SEMA3D: variants seen among roughly 807,000 people sequenced by gnomAD.
The protein encoded by SEMA3D is semaphorin-3D.
SEMA3D carries 84 observed loss-of-function variants against 100.1 expected under a neutral mutation model. The observed-to-expected ratio is 0.84, with a 90% CI of 0.70 to 1.01. The LOEUF is 1.01. SEMA3D is among the 50% of genes least tolerant of loss of function. SEMA3D has a pLI of 0.00. For synonymous variants in SEMA3D, 312 were observed against 320.7 expected (o/e 0.97, Z 0.29); for missense variants, 875 against 934.1 (o/e 0.94, Z 0.82).
chr7:85,246,642 G>A, the SEMA3D span, among the ~76,000 whole-genome samples: 1 of 151,864 alleles, frequency 6.6e-6, no homozygotes, highest in South Asian at 2.1e-4. Context: ...CCAAGTTTGG[G>A]TGATGATATG....
the SEMA3D span, among the ~76,000 whole-genome samples, chr7:85,237,547 T>C: frequency 6.6e-6 from 1 of 152,224 alleles, no homozygotes. Context: ...TGTAGACTTT[T>C]AAGATGGTTT....
intron 4 of SEMA3D, among the ~76,000 whole-genome samples, chr7:85,086,987 T>C (rs1188630849): frequency 6.6e-6 from 1 of 152,220 alleles, no homozygotes; most frequent in Non-Finnish European, 1.5e-5. Flanking sequence ...TGAACAATTT[T>C]GAGACAGTGA....
chr7:85,155,731 C>A (rs1450688532), intron 1 of SEMA3D, among the ~76,000 whole-genome samples: 1 of 152,096 alleles, frequency 6.6e-6, no homozygotes, highest in African/African-American at 2.4e-5. Flanking sequence ...GTTAGCTCTT[C>A]AACAGAATGC....
intron 9 of SEMA3D, among the ~76,000 whole-genome samples, chr7:85,051,207 T>G (rs1265167234): frequency 6.6e-6 from 1 of 151,864 alleles, no homozygotes; most frequent in African/African-American, 2.4e-5. Flanking sequence ...TCCTCATTTT[T>G]TAGGTTAAGA....
intron 2 of SEMA3D, among the ~76,000 whole-genome samples, chr7:85,136,217 G>A (rs1245612565): frequency 2.0e-5 from 3 of 152,084 alleles, no homozygotes. Context: ...AAAACAATGA[G>A]AAAAAGATAT....
intron 4 of SEMA3D, among the ~76,000 whole-genome samples, chr7:85,094,194 G>T (rs1447947262): frequency 6.6e-6 from 1 of 151,902 alleles, no homozygotes; most frequent in African/African-American, 2.4e-5. Flanking sequence ...AGTTAACAGT[G>T]AGACTGGAAA....
the SEMA3D span, among the ~76,000 whole-genome samples, chr7:85,246,431 T>C: frequency 5.9e-5 from 9 of 152,128 alleles, no homozygotes; most frequent in Admixed American, 3.3e-4. Context: ...TTTTTTTCTG[T>C]GGAGCTGTGA....
intron 1 of SEMA3D, among the ~76,000 whole-genome samples, chr7:85,158,323 A>G (rs538692120): frequency 6.6e-5 from 10 of 152,270 alleles, no homozygotes; most frequent in African/African-American, 2.4e-4. Context: ...TGAGAAAGAG[A>G]ATGCATCCCT....
rs535397174 is a variant in SEMA3D at position 85,073,831 on chromosome 7, C to CT, written c.376-751dup. 2.6e-5 allele frequency among the ~76,000 whole-genome samples: 4 copies of CT among 152,160 alleles called. No individual in the cohort carries two copies. In the South Asian group the frequency reaches 8.3e-4, roughly 32 times the overall value. On this transcript the variant is annotated intron_variant, in intron 5 of 18. Coordinates refer to ENST00000284136, the MANE Select transcript of SEMA3D (RefSeq NM_001384900.1). ...CATAATCTCTGTTTTTTCTCATGGA[C>CT]TTTTTTTACACCAAGTCAAATTTTT...
At chr7:85,234,333 A>T in the SEMA3D span, among the ~76,000 whole-genome samples, 1 of 152,206 alleles carries the variant, frequency 6.6e-6, no homozygotes, top group African/African-American at 2.4e-5. Flanking sequence ...AAAGTGCTGG[A>T]AGAGATAAAA....
intron 1 of SEMA3D, chr7:85,160,182 A>G (rs1422069354): frequency 1.8e-5 from 5 of 284,124 alleles, no homozygotes; most frequent in South Asian, 1.4e-4. Flanking sequence ...AAGGCATTAT[A>G]TAAATACAAG....
At chr7:85,045,457 A>T (rs1459950569) in intron 9 of SEMA3D, among the ~76,000 whole-genome samples, 1 of 151,968 alleles carries the variant, frequency 6.6e-6, no homozygotes, top group Non-Finnish European at 1.5e-5. Context: ...TGTCATAAAA[A>T]GCCTGTCGGT....
At chr7:85,236,893 G>A in the SEMA3D span, among the ~76,000 whole-genome samples, 1 of 152,142 alleles carries the variant, frequency 6.6e-6, no homozygotes, top group Non-Finnish European at 1.5e-5. Flanking sequence ...ATGTGTAAAG[G>A]AGGAGGCAGT....
At chr7:85,214,558 G>A in the SEMA3D span, among the ~76,000 whole-genome samples, 1 of 152,080 alleles carries the variant, frequency 6.6e-6, no homozygotes, top group Non-Finnish European at 1.5e-5. Context: ...GTGCAATGGT[G>A]TGATCTCGGC....
At chr7:85,061,641 C>T (rs1791482094) in intron 8 of SEMA3D, among the ~76,000 whole-genome samples, 2 of 152,144 alleles carry the variant, frequency 1.3e-5, no homozygotes, top group African/African-American at 4.8e-5. Context: ...GCCCATTTCT[C>T]ATAAAGGACA....
chr7:85,202,246 C>T, the SEMA3D span, among the ~76,000 whole-genome samples: 1 of 129,080 alleles, frequency 7.7e-6, no homozygotes, highest in African/African-American at 3.0e-5. Context: ...ATGTGATGTT[C>T]CCTTTCCTGT....
chr7:85,043,112 C>G (rs1340935707), intron 9 of SEMA3D, among the ~76,000 whole-genome samples: 1 of 152,096 alleles, frequency 6.6e-6, no homozygotes, highest in African/African-American at 2.4e-5. Context: ...AATCACAGCA[C>G]TTTGGGAGGC....
intron 5 of SEMA3D, among the ~76,000 whole-genome samples, chr7:85,078,860 G>A (rs894584902): frequency 6.6e-6 from 1 of 152,176 alleles, no homozygotes; most frequent in Non-Finnish European, 1.5e-5. Context: ...AGAGGAAGAA[G>A]GAGAAAGGGT....
intron 6 of SEMA3D, among the ~76,000 whole-genome samples, 199 bp from the exon 7 acceptor site, chr7:85,068,483 G>A (rs1224739431): frequency 6.6e-6 from 1 of 151,956 alleles, no homozygotes; most frequent in African/African-American, 2.4e-5. Flanking sequence ...GTCTCCCTTG[G>A]CCCAAAGTGG....
Sources: allele counts gnomAD v4.1 joint callset (sites outside exome capture counted in the v4.1 genomes callset), GRCh38; gene constraint gnomAD v4.1.1; transcripts MANE v1.5; gene names NCBI Gene and HGNC (gene_info 2026-07-23, HGNC 2026-07-21).